Variants in FAM20C observed in about 807,000 individuals in gnomAD.
FAM20C encodes extracellular serine/threonine protein kinase FAM20C.
FAM20C carries 40 observed loss-of-function variants against 51.5 expected under a neutral mutation model. That is an observed-to-expected ratio of 0.78 (90% CI 0.60 to 1.01). The LOEUF is 1.01. FAM20C is among the 50% of genes least tolerant of loss of function. FAM20C has a pLI of 0.00. For synonymous variants in FAM20C, 406 were observed against 380.6 expected, an observed-to-expected ratio of 1.07 and a Z score of -0.78; for missense variants, 861 against 844.7, an observed-to-expected ratio of 1.02 and a Z score of -0.24.
At chr7:194,025 T>G in intron 1 of FAM20C, 1 of 650,934 alleles carries the variant, frequency 1.5e-6, no homozygotes. Flanking sequence ...CTGTGCCCTG[T>G]GGCTGCTGGT....
At chr7:241,471 A>C (rs1787944105) in intron 3 of FAM20C, among the ~76,000 whole-genome samples, 1 of 152,114 alleles carries the variant, frequency 6.6e-6, no homozygotes, top group Admixed American at 6.5e-5. Flanking sequence ...GCCCCGCTGC[A>C]AGGCTGTGCC....
At chr7:209,584 C>G (rs1007223388) in intron 3 of FAM20C, among the ~76,000 whole-genome samples, 2 of 152,230 alleles carry the variant, frequency 1.3e-5, no homozygotes. Context: ...TAACACAGCG[C>G]TCCGTGGCAC....
At chr7:251,545 A>G (rs1360825040) in intron 5 of FAM20C, among the ~76,000 whole-genome samples, 1 of 151,828 alleles carries the variant, frequency 6.6e-6, no homozygotes, top group Non-Finnish European at 1.5e-5. Context: ...TGAGTTGATT[A>G]TTAGTCCAAG....
At chr7:208,195 CTGTG>C (rs58421466) in intron 2 of FAM20C, among the ~76,000 whole-genome samples, 33,811 of 151,494 alleles carry the variant, frequency 0.22, 3,855 homozygotes, top group South Asian at 0.27. Context: ...CGGGGGGTGT[CTGTG>C]GGTGTGTAAA....
At chr7:203,364 C>G (rs1023909671) in intron 2 of FAM20C, among the ~76,000 whole-genome samples, 1 of 152,210 alleles carries the variant, frequency 6.6e-6, no homozygotes, top group Non-Finnish European at 1.5e-5. Flanking sequence ...TCAAGAAAAC[C>G]CAAAATTGCA....
chr7:213,768 T>A (rs1786836418), intron 3 of FAM20C, among the ~76,000 whole-genome samples: 1 of 152,146 alleles, frequency 6.6e-6, no homozygotes, highest in Non-Finnish European at 1.5e-5. Flanking sequence ...TGCACCATTG[T>A]GTAACCCTGC....
intron 4 of FAM20C, among the ~76,000 whole-genome samples, chr7:247,299 G>A (rs998019677): frequency 6.6e-6 from 1 of 152,192 alleles, no homozygotes; most frequent in Non-Finnish European, 1.5e-5. Context: ...AACGGGCCTG[G>A]CCCAGGTCCA....
At chr7:247,413 C>T (rs769695850) in intron 4 of FAM20C, among the ~76,000 whole-genome samples, 48 of 152,198 alleles carry the variant, frequency 3.2e-4, no homozygotes, top group Non-Finnish European at 4.9e-4. Context: ...GGCCCTGACA[C>T]GTCCCAGCCT....
chr7:223,864 C>G (rs1250740347), intron 3 of FAM20C, among the ~76,000 whole-genome samples: 21 of 152,182 alleles, frequency 1.4e-4, no homozygotes, highest in Admixed American at 1.4e-3. Context: ...TATGGGGTCC[C>G]CTGCCCCAGG....
intron 3 of FAM20C, among the ~76,000 whole-genome samples, chr7:211,787 C>T (rs543019245): frequency 1.3e-5 from 2 of 152,342 alleles, no homozygotes; most frequent in African/African-American, 4.8e-5. Flanking sequence ...GGAAAGGATA[C>T]GTCCAAGGCC....
chr7:222,544 C>T (rs1311050865), intron 3 of FAM20C, among the ~76,000 whole-genome samples: 1 of 152,132 alleles, frequency 6.6e-6, no homozygotes, highest in African/African-American at 2.4e-5. Context: ...GGAGGCCCTG[C>T]CCCTCCTGGG....
Position 259,905 on chromosome 7 carries a change from C to A in FAM20C, c.1680C>A (p.Cys560Ter), listed in dbSNP as rs371584776. 2.0e-6 allele frequency: 3 copies of A among 1,535,410 alleles called. No homozygotes were observed. In the South Asian group the frequency reaches 3.6e-5, roughly 18 times the overall value. ...TCGTGCTAAAGGCCGTCCGGGACTG[C>A]GTGGAGAGGAACGGGCTCCACAGCG... ...LRVVLKAVRD[C>*]VERNGLHSVV... The change falls in exon 10 of 10, where the codon TGC (cysteine) becomes TGA (stop). Residue 560 changes from cysteine to a stop codon, truncating the protein, a stop_gained. Transcript: ENST00000313766. LOFTEE classifies it low-confidence loss of function (END_TRUNC).
At chr7:230,200 T>C (rs1350817769) in intron 3 of FAM20C, among the ~76,000 whole-genome samples, 1 of 151,958 alleles carries the variant, frequency 6.6e-6, no homozygotes, top group East Asian at 1.9e-4. Flanking sequence ...GGAGGGAGAT[T>C]AAACGCAGAG....
At chr7:198,297 G>C (rs1428072254) in intron 2 of FAM20C, among the ~76,000 whole-genome samples, 2 of 152,160 alleles carry the variant, frequency 1.3e-5, no homozygotes, top group East Asian at 3.9e-4. Flanking sequence ...CCAGCCATTA[G>C]CCAGAGTGGA....
chr7:228,774 G>A (rs1472294712), intron 3 of FAM20C: 14 of 456,056 alleles, frequency 3.1e-5, no homozygotes, highest in Admixed American at 3.1e-4. Context: ...CAGACGCCAC[G>A]ACTCTCACGG....
At chr7:241,571 TG>T (rs1787947000) in intron 3 of FAM20C, among the ~76,000 whole-genome samples, 1 of 151,816 alleles carries the variant, frequency 6.6e-6, no homozygotes, top group Admixed American at 6.6e-5. Context: ...TGTGTGTGTG[TG>T]TGTGTGTGCA....
chr7:199,643 G>A (rs1182143303), intron 2 of FAM20C, among the ~76,000 whole-genome samples: 1 of 152,172 alleles, frequency 6.6e-6, no homozygotes, highest in Non-Finnish European at 1.5e-5. Flanking sequence ...CCAATTCATG[G>A]AGCGCCACGT....
chr7:208,897 G>C lies in FAM20C; in HGVS notation c.785-1G>C. On this transcript the variant is annotated splice_acceptor_variant, in intron 2 of 9. Transcript: ENST00000313766. LOFTEE classifies it high-confidence loss of function. Reference sequence around the variant, plus strand: ...CCTGTTTCTCTCCCTCCTTCCTGCAGCCATGAAGTCGGGGGGCACGCAGCT... The same window carrying C: ...CCTGTTTCTCTCCCTCCTTCCTGCACCCATGAAGTCGGGGGGCACGCAGCT... 6.4e-7 allele frequency: 1 copy of C among 1,570,646 alleles called. No homozygotes were observed. The highest frequency in any genetic ancestry group is 1.2e-5 in the South Asian group (1 of 85,126).
intron 3 of FAM20C, among the ~76,000 whole-genome samples, chr7:234,002 C>G (rs1787775755): frequency 1.3e-5 from 2 of 152,306 alleles, no homozygotes; most frequent in South Asian, 4.1e-4. Flanking sequence ...CTCCTGGGAA[C>G]TGGTCCTGGG....
Sources: gnomAD v4.1 joint callset for allele counts (sites outside exome capture counted in the v4.1 genomes callset) on GRCh38, gnomAD v4.1.1 for gene constraint, MANE v1.5 for transcripts, NCBI Gene and HGNC (gene_info 2026-07-23, HGNC 2026-07-21) for gene names.